Variants in PLEKHA5 observed in about 807,000 individuals in gnomAD.
The protein encoded by PLEKHA5 is pleckstrin homology domain containing A5.
Under a neutral mutation model 181.9 loss-of-function variants are expected in PLEKHA5, and 55 were observed. The observed-to-expected ratio is 0.30, with a 90% CI of 0.24 to 0.38. The LOEUF (loss-of-function observed/expected upper bound fraction) is 0.38, where lower values mean the gene tolerates loss of function less well. PLEKHA5 is among the 10% of genes least tolerant of loss of function. The pLI is 1.00. For missense variants in PLEKHA5, 1,432 were observed against 1,549.5 expected, an observed-to-expected ratio of 0.92 and a Z score of 1.27; for synonymous variants, 535 against 529.4, an observed-to-expected ratio of 1.01 and a Z score of -0.15.
At chr12:19,260,151 T>C (rs116685492) in intron 6 of PLEKHA5, among the ~76,000 whole-genome samples, 1,647 of 152,268 alleles carry the variant, frequency 0.011, 32 homozygotes, top group African/African-American at 0.038. Context: ...TCCCAAACTA[T>C]AGGTGTAAGA....
rs79576494 is a variant in PLEKHA5, at chr12:19,138,757, A to G, written c.227+6307A>G. 9.0e-3 allele frequency among the ~76,000 whole-genome samples: 1,368 copies of G among 152,098 alleles called. 22 individuals carry two copies. Among genetic ancestry groups the G allele is most frequent in the African/African-American group, 0.031 (1,299 of 41,488 alleles). On this transcript the variant is annotated intron_variant, in intron 3 of 31. Coordinates refer to ENST00000429027, the MANE Select transcript of PLEKHA5 (RefSeq NM_001256470.2). ...GGGAGGATACATTCATGGGGCTGGG[A>G]ACACGTATAATATGTGAATATGTGT...
intron 15 of PLEKHA5, among the ~76,000 whole-genome samples, chr12:19,300,393 G>A (rs527978438): frequency 6.6e-6 from 1 of 152,146 alleles, no homozygotes; most frequent in Admixed American, 6.5e-5. Flanking sequence ...ATGCATAATA[G>A]TTATACAATT....
chr12:19,196,801 CTTTTTTTTTTCTT>C (rs200535985), intron 3 of PLEKHA5, among the ~76,000 whole-genome samples: 10,433 of 109,062 alleles, frequency 0.096, 374 homozygotes, highest in South Asian at 0.15. Flanking sequence ...CTTGTTTTTT[CTTTTTTTTTTCTT>C]TTTTTTTTTT....
chr12:19,275,086 T>A (rs2074111341), intron 11 of PLEKHA5, 103 bp downstream of exon 11: 1 of 696,814 alleles, frequency 1.4e-6, no homozygotes, highest in African/African-American at 1.8e-5. Flanking sequence ...AAATTGTGTT[T>A]TAGCTGTTAT....
At chr12:19,154,275 T>C (rs184225043) in intron 3 of PLEKHA5, 395 of 152,280 alleles carry the variant, frequency 2.6e-3, no homozygotes, top group African/African-American at 9.0e-3. Flanking sequence ...TTTAAAATAG[T>C]ATATAATGAA....
intron 3 of PLEKHA5, among the ~76,000 whole-genome samples, chr12:19,175,141 T>C (rs996501797): frequency 3.3e-5 from 5 of 152,222 alleles, no homozygotes; most frequent in Admixed American, 3.3e-4. Context: ...TGTGGGAATA[T>C]CCCTATGTTA....
At chr12:19,143,096 A>G (rs962125236) in intron 3 of PLEKHA5, among the ~76,000 whole-genome samples, 1 of 152,202 alleles carries the variant, frequency 6.6e-6, no homozygotes, top group Non-Finnish European at 1.5e-5. Flanking sequence ...ATGGGAGCAC[A>G]GATGTTCCTA....
intron 3 of PLEKHA5, among the ~76,000 whole-genome samples, chr12:19,192,801 C>T (rs967363084): frequency 6.6e-6 from 1 of 152,140 alleles, no homozygotes; most frequent in African/African-American, 2.4e-5. Flanking sequence ...TGATCAGAGG[C>T]ATGTGGTACT....
intron 30 of PLEKHA5, among the ~76,000 whole-genome samples, chr12:19,369,347 A>ATT (rs71064100): frequency 4.6e-5 from 7 of 150,814 alleles, no homozygotes; most frequent in African/African-American, 7.3e-5. Flanking sequence ...AAAAAAAAAA[A>ATT]TTTTTAAGTA....
chr12:19,175,615 A>T (rs1174285946), intron 3 of PLEKHA5, among the ~76,000 whole-genome samples: 1 of 152,228 alleles, frequency 6.6e-6, no homozygotes, highest in Non-Finnish European at 1.5e-5. Context: ...GCAGTGGAAG[A>T]GATTTTCTTT....
At chr12:19,276,887 T>G (rs1285157710) in intron 11 of PLEKHA5, among the ~76,000 whole-genome samples, 1 of 152,222 alleles carries the variant, frequency 6.6e-6, no homozygotes, top group Non-Finnish European at 1.5e-5. Flanking sequence ...TATAATCTTA[T>G]TTGTCAATTT....
rs564404314 is a variant in PLEKHA5 at position 19,253,679 on chromosome 12, G to C, written c.228-261G>C. 1.2e-3 allele frequency among the ~76,000 whole-genome samples: 183 copies of C among 151,878 alleles called. 2 individuals are homozygous for C. The highest frequency in any genetic ancestry group is 4.3e-3 in the African/African-American group (178 of 41,436). ...TAAAAATACAAAAAATTAACTGGGCGCGTGATGGTGGGCGCCTATAATCCA... is the reference window on the plus strand; with the variant it reads ...TAAAAATACAAAAAATTAACTGGGCCCGTGATGGTGGGCGCCTATAATCCA... On this transcript the variant is annotated intron_variant, in intron 3 of 31. Transcript: ENST00000429027.
rs969952593 is a variant in PLEKHA5, at chr12:19,132,377, A to G, written c.170-16A>G. The G allele has an allele frequency of 1.7e-5, 22 of 1,268,258 alleles. No homozygotes were observed. The highest frequency in any genetic ancestry group is 2.4e-5 in the Non-Finnish European group (21 of 875,870). 78.6% of individuals were successfully genotyped at this position (1,268,258 alleles called of 1,614,324 possible). A position where few individuals can be genotyped will look rare whatever the true frequency, so the allele number is the denominator to read the frequency against. On this transcript the variant is annotated splice_polypyrimidine_tract_variant and intron_variant, in intron 2 of 31. Coordinates refer to ENST00000429027, the MANE Select transcript of PLEKHA5 (RefSeq NM_001256470.2). ...TCATTGAAGTAATACTAATTGTAAT[A>G]TATGTATTGTTTTAGATTTGCCTAC... is the stretch of plus-strand genomic sequence containing the variant.
At chr12:19,351,880 C>G (rs1369454935) in intron 25 of PLEKHA5, among the ~76,000 whole-genome samples, 4 of 152,008 alleles carry the variant, frequency 2.6e-5, no homozygotes, top group African/African-American at 9.7e-5. Flanking sequence ...TCCAGACCAG[C>G]CTGACCAACA....
Position 19,287,795 on chromosome 12 carries a change from A to G in PLEKHA5, c.1863+239A>G, listed in dbSNP as rs1043653975. Among the ~76,000 whole-genome samples the G allele has an allele frequency of 3.3e-5, 5 of 152,068 alleles. No homozygotes were observed. The South Asian group carries it at 8.3e-4, about 25-fold the overall frequency. ...ATAAAAGATTATATTTTGAAACTTT[A>G]TGGCCGGGCACGGTGGCTCATGCCT... On this transcript the variant is annotated intron_variant, in intron 13 of 31. Coordinates refer to ENST00000429027, the MANE Select transcript of PLEKHA5 (RefSeq NM_001256470.2).
intron 15 of PLEKHA5, among the ~76,000 whole-genome samples, chr12:19,295,338 C>A (rs1423318561): frequency 6.6e-6 from 1 of 152,044 alleles, no homozygotes; most frequent in African/African-American, 2.4e-5. Flanking sequence ...TAGCTTTTTC[C>A]ATGTTTATTT....
At chr12:19,288,699 A>C (rs1175530282) in intron 13 of PLEKHA5, among the ~76,000 whole-genome samples, 1 of 152,210 alleles carries the variant, frequency 6.6e-6, no homozygotes, top group Non-Finnish European at 1.5e-5. Context: ...TTATTTGATT[A>C]AGACTAAGGA....
intron 5 of PLEKHA5, among the ~76,000 whole-genome samples, chr12:19,255,561 T>C (rs1418574107): frequency 6.6e-6 from 1 of 151,716 alleles, no homozygotes; most frequent in African/African-American, 2.4e-5. Context: ...ATAAGATAAT[T>C]ATAATAATAG....
chr12:19,205,382 C>T (rs2055179762), intron 3 of PLEKHA5: 1 of 984,754 alleles, frequency 1.0e-6, no homozygotes, highest in African/African-American at 1.7e-5. Flanking sequence ...TGTAATTTGT[C>T]TTTAGAAACC....
Sources: allele counts gnomAD v4.1 joint callset (sites outside exome capture counted in the v4.1 genomes callset), GRCh38; gene constraint gnomAD v4.1.1; transcripts MANE v1.5; gene names NCBI Gene and HGNC (gene_info 2026-07-23, HGNC 2026-07-21).